Variants in TEX30 observed in about 807,000 individuals in gnomAD.
TEX30 encodes testis-expressed protein 30.
Under a neutral mutation model 23.8 loss-of-function variants are expected in TEX30, and 14 were observed. The ratio of observed to expected loss-of-function variants is 0.59; its 90% CI spans 0.39 to 0.92. The LOEUF (loss-of-function observed/expected upper bound fraction) is 0.92, where lower values mean the gene tolerates loss of function less well. TEX30 is among the 40% of genes least tolerant of loss of function. The pLI is 0.00. For synonymous variants in TEX30, 78 were observed against 90.2 expected, an observed-to-expected ratio of 0.87 and a Z score of 0.76; for missense variants, 246 against 270.6, an observed-to-expected ratio of 0.91 and a Z score of 0.64.
intron 5 of TEX30, 51 bp downstream of exon 5, chr13:102,767,222 T>G: frequency 4.5e-6 from 7 of 1,564,244 alleles, no homozygotes; most frequent in Non-Finnish European, 5.2e-6. Context: ...TCCCAAGATA[T>G]GTCTGCCTTT....
intron 1 of TEX30, chr13:102,770,311 T>C (rs1233664187): frequency 7.2e-6 from 2 of 277,668 alleles, no homozygotes; most frequent in Non-Finnish European, 1.3e-5. Context: ...TACTTTGACA[T>C]GGAAACTGTA....
In TEX30 at chr13:102,766,435, T is replaced by G; in HGVS notation, c.650A>C (p.Gln217Pro). ...EINTQILFWI[Q>P]EITEMDKKCH Reference sequence around the variant, plus strand: ...TTTCTTGTCCATTTCAGTAATTTCTTGGATCCAAAACAAAATCTGTGTATT... The same window carrying G: ...TTTCTTGTCCATTTCAGTAATTTCTGGGATCCAAAACAAAATCTGTGTATT... The change falls in exon 6 of 6, where the codon CAA becomes CCA. Residue 217 changes from glutamine (Q) to proline (P), a missense_variant. Gln to Pro is a moderately conservative substitution (Grantham distance 76, BLOSUM62 -1). Transcript: ENST00000376032. The G allele has an allele frequency of 1.2e-6, 2 of 1,613,950 alleles. No homozygotes were observed. The highest frequency in any genetic ancestry group is 1.7e-6 in the Non-Finnish European group (2 of 1,179,914).
At chr13:102,773,518 G>C (rs1163266539) in intron 1 of TEX30, 164 bp downstream of exon 1, 2 of 152,108 alleles carry the variant, frequency 1.3e-5, no homozygotes, top group African/African-American at 4.8e-5. Flanking sequence ...GCTGGTGCCC[G>C]CGGGCACCGA....
rs369785476 is a variant in TEX30 at position 102,768,253 on chromosome 13, C to T, written c.298+7G>A. ...AATTAACAAGTATTCACAAGTATTG[C>T]ACTTACCTCCAAGAAAAACACCTGC... On this transcript the variant is annotated splice_region_variant and intron_variant, in intron 4 of 5. Transcript: ENST00000376032. 2.0e-5 allele frequency: 32 copies of T among 1,598,422 alleles called. No homozygotes were observed. The highest frequency in any genetic ancestry group is 2.5e-5 in the Non-Finnish European group (29 of 1,171,604).
intron 1 of TEX30, among the ~76,000 whole-genome samples, chr13:102,771,968 C>A (rs189897430): frequency 1.4e-3 from 219 of 152,312 alleles, no homozygotes; most frequent in African/African-American, 5.1e-3. Context: ...GTTTGCTAAG[C>A]CATACATGTT....
chr13:102,766,704 T>G (rs1271986220), intron 5 of TEX30, 124 bp from the exon 6 acceptor site: 2 of 852,700 alleles, frequency 2.3e-6, no homozygotes, highest in Non-Finnish European at 3.4e-6. Flanking sequence ...TCAGACAACT[T>G]TCTAGGTAAT....
In TEX30 at chr13:102,766,480, T is replaced by C; in HGVS notation, c.605A>G (p.Asn202Ser). ...TGTATTTATTTCTTTGAAAACATCA[T>C]TTGTCGACCGTCCTTTCACTGCCAT... ...HSMAVKGRST[N>S]DVFKEINTQI... Residue 202 changes from asparagine to serine, a missense_variant, in exon 6 of 6, where the codon AAT becomes AGT. Coordinates refer to ENST00000376032, the MANE Select transcript of TEX30 (RefSeq NM_138779.5). The C allele has an allele frequency of 6.2e-7, 1 of 1,614,094 alleles. No homozygotes were observed. The highest frequency in any genetic ancestry group is 8.5e-7 in the Non-Finnish European group (1 of 1,179,970).
chr13:102,769,913 C>T (rs1447663670), intron 2 of TEX30, 99 bp downstream of exon 2: 3 of 1,075,108 alleles, frequency 2.8e-6, no homozygotes, highest in Non-Finnish European at 3.7e-6. Context: ...TACTGCCTCC[C>T]ACAGTGAAAG....
intron 2 of TEX30, chr13:102,769,771 A>C: frequency 1.9e-6 from 1 of 536,888 alleles, no homozygotes; most frequent in Non-Finnish European, 3.2e-6. Flanking sequence ...TGAGGCAAGC[A>C]CTATCATTAT....
At chr13:102,769,728 G>T in intron 2 of TEX30, 187 bp from the exon 3 acceptor site, 1 of 540,610 alleles carries the variant, frequency 1.8e-6, no homozygotes, top group Non-Finnish European at 3.2e-6. Flanking sequence ...TGCTTTATAT[G>T]TATTAACTTA....
chr13:102,770,133 A>G (rs1877216526), intron 1 of TEX30, 47 bp from the exon 2 acceptor site: 3 of 688,862 alleles, frequency 4.4e-6, no homozygotes, highest in Non-Finnish European at 6.4e-6. Flanking sequence ...AGACATGGAT[A>G]TGACACAAAA....
intron 1 of TEX30, among the ~76,000 whole-genome samples, chr13:102,771,486 A>T (rs1877317071): frequency 6.6e-6 from 1 of 152,174 alleles, no homozygotes; most frequent in African/African-American, 2.4e-5. Context: ...AGTTCCTTTC[A>T]CTTCCTAGAA....
rs1298137162 is a variant in TEX30, at chr13:102,766,406, G to T, written c.679C>A (p.His227Asn). ...CAAGATAACATGGCTTTTAACTAAT[G>T]ACATTTCTTGTCCATTTCAGTAATT... ...QEITEMDKKC[H>N] The change falls in exon 6 of 6, where the codon CAT becomes AAT. Residue 227 changes from histidine (H) to asparagine (N), a missense_variant. Coordinates refer to ENST00000376032, the MANE Select transcript of TEX30 (RefSeq NM_138779.5). 19 of 1,612,646 alleles carry T rather than the reference G, an allele frequency of 1.2e-5. No individual in the cohort carries two copies. The highest frequency in any genetic ancestry group is 1.5e-5 in the Non-Finnish European group (18 of 1,179,156).
chr13:102,766,426 G>C lies in TEX30; in HGVS notation c.659C>G (p.Thr220Ser). 3.7e-6 allele frequency: 6 copies of C among 1,613,584 alleles called. No individual in the cohort carries two copies. The highest frequency in any genetic ancestry group is 4.2e-6 in the Non-Finnish European group (5 of 1,179,756). The change falls in exon 6 of 6, where the codon ACT becomes AGT. Residue 220 changes from threonine to serine, a missense_variant. By Grantham distance (58) the Thr-to-Ser change is moderately conservative. Transcript: ENST00000376032. ...TQILFWIQEI[T>S]EMDKKCH is the part of the protein sequence containing the mutation. ...CTAATGACATTTCTTGTCCATTTCAGTAATTTCTTGGATCCAAAACAAAAT... is the reference window on the plus strand; with the variant it reads ...CTAATGACATTTCTTGTCCATTTCACTAATTTCTTGGATCCAAAACAAAAT...
intron 4 of TEX30, among the ~76,000 whole-genome samples, chr13:102,767,862 G>A (rs570192934): frequency 2.0e-5 from 3 of 152,180 alleles, no homozygotes; most frequent in African/African-American, 4.8e-5. Flanking sequence ...GCAGTGAGCC[G>A]AGATGGCGCC....
intron 5 of TEX30, 50 bp downstream of exon 5, chr13:102,767,223 G>A: frequency 1.3e-6 from 2 of 1,565,726 alleles, no homozygotes; most frequent in Middle Eastern, 1.9e-4. Context: ...CCCAAGATAT[G>A]TCTGCCTTTC....
chr13:102,771,188 A>T (rs1187196345), intron 1 of TEX30, among the ~76,000 whole-genome samples: 1 of 152,190 alleles, frequency 6.6e-6, no homozygotes, highest in African/African-American at 2.4e-5. Context: ...TTCCTGGGGA[A>T]GGAATCGCTG....
Position 102,766,489 on chromosome 13 carries a change from C to T in TEX30, c.596G>A (p.Arg199Gln), listed in dbSNP as rs762664171. The T allele has an allele frequency of 3.6e-5, 58 of 1,613,768 alleles. 1 individual carries two copies. Among genetic ancestry groups the T allele is most frequent in the South Asian group, 1.3e-4 (12 of 91,054 alleles). ...TTCTTTGAAAACATCATTTGTCGAC[C>T]GTCCTTTCACTGCCATGGAATGATT... ...KANHSMAVKG[R>Q]STNDVFKEIN... is the part of the protein sequence containing the mutation. The change falls in exon 6 of 6, where the codon CGG becomes CAG. Residue 199 changes from arginine (R) to glutamine (Q), a missense_variant. Coordinates refer to ENST00000376032, the MANE Select transcript of TEX30 (RefSeq NM_138779.5).
chr13:102,768,835 G>C (rs1287462781), intron 3 of TEX30, among the ~76,000 whole-genome samples: 1 of 152,168 alleles, frequency 6.6e-6, no homozygotes, highest in Non-Finnish European at 1.5e-5. Context: ...TTTTAAGTAA[G>C]TTTACAAACT....
Sources: allele counts gnomAD v4.1 joint callset (sites outside exome capture counted in the v4.1 genomes callset), GRCh38; gene constraint gnomAD v4.1.1; transcripts MANE v1.5; gene names NCBI Gene and HGNC (gene_info 2026-07-23, HGNC 2026-07-21).